Variants in RAPGEF5 observed in about 807,000 individuals in gnomAD.
RAPGEF5 encodes the protein Rap guanine nucleotide exchange factor 5, also known as M-Ras-regulated GEF.
Under a neutral mutation model 125.2 loss-of-function variants are expected in RAPGEF5, and 65 were observed. That is an observed-to-expected ratio of 0.52 (90% CI 0.43 to 0.64). The LOEUF (loss-of-function observed/expected upper bound fraction) is 0.64. RAPGEF5 is among the 30% of genes least tolerant of loss of function. The pLI is 0.00. For synonymous variants in RAPGEF5, 391 were observed against 385.9 expected (o/e 1.01, Z -0.16); for missense variants, 958 against 1,048.1 (o/e 0.91, Z 1.19).
At chr7:22,135,666 T>C (rs974433352) in intron 23 of RAPGEF5, among the ~76,000 whole-genome samples, 6 of 152,192 alleles carry the variant, frequency 3.9e-5, no homozygotes, top group African/African-American at 1.2e-4. Flanking sequence ...GTTGCAAAAA[T>C]AGAACATGAT....
intron 15 of RAPGEF5, 88 bp from the exon 16 acceptor site, chr7:22,156,976 T>A: frequency 6.5e-7 from 1 of 1,536,576 alleles, no homozygotes; most frequent in Non-Finnish European, 8.8e-7. Flanking sequence ...CCAAAAGAAC[T>A]AGCCAAATTT....
chr7:22,210,638 C>G lies in RAPGEF5; in HGVS notation c.996+9228G>C, dbSNP rs1167120979. On this transcript the variant is annotated intron_variant, in intron 9 of 25. Coordinates refer to ENST00000665637, the MANE Select transcript of RAPGEF5 (RefSeq NM_012294.5). ...TCTTGGATCTTGAGGTGCCCCTAAT[C>G]CTTTACTCTGACTCACTTTGCCTCA... is the stretch of plus-strand genomic sequence containing the variant. Among the ~76,000 whole-genome samples, 40 of 152,136 alleles carry G rather than the reference C, an allele frequency of 2.6e-4. 1 individual carries two copies. The highest frequency in any genetic ancestry group is 2.6e-3 in the Admixed American group (40 of 15,270).
Position 22,147,012 on chromosome 7 carries a change from A to G in RAPGEF5, c.1892T>C (p.Phe631Ser). The G allele has an allele frequency of 6.2e-7, 1 of 1,613,292 alleles. No homozygotes were observed. Among genetic ancestry groups the G allele is most frequent in the Non-Finnish European group, 8.5e-7 (1 of 1,179,658 alleles). The change falls in exon 19 of 26, where the codon TTT becomes TCT. Residue 631 changes from phenylalanine to serine, a missense_variant. Phe to Ser is a radical substitution (Grantham distance 155). Coordinates refer to ENST00000665637, the MANE Select transcript of RAPGEF5 (RefSeq NM_012294.5). ...RKDLADTLNP[F>S]AENEESQQRS... Reference sequence around the variant, plus strand: ...TTGCTGTGATTCCTCATTTTCTGCAAATGGGTTCTAAACCAACAGAAGCAA... The same window carrying G: ...TTGCTGTGATTCCTCATTTTCTGCAGATGGGTTCTAAACCAACAGAAGCAA...
intron 7 of RAPGEF5, among the ~76,000 whole-genome samples, chr7:22,251,275 A>AC (rs771648961): frequency 3.3e-5 from 5 of 152,102 alleles, no homozygotes; most frequent in Non-Finnish European, 7.4e-5. Context: ...AGACAATGCC[A>AC]CCCCCCCAGC....
chr7:22,141,276 T>C (rs1783251173), intron 20 of RAPGEF5, among the ~76,000 whole-genome samples: 1 of 152,370 alleles, frequency 6.6e-6, no homozygotes, highest in South Asian at 2.1e-4. Context: ...GTGATTTTTT[T>C]CCCATTACAT....
At chr7:22,314,762 G>C in intron 3 of RAPGEF5, 1 of 423,218 alleles carries the variant, frequency 2.4e-6, no homozygotes, top group Non-Finnish European at 3.2e-6. Context: ...ATTTACTTTT[G>C]GTTTTTTCTT....
At chr7:22,222,961 G>C (rs1404526593) in intron 8 of RAPGEF5, among the ~76,000 whole-genome samples, 1 of 129,114 alleles carries the variant, frequency 7.7e-6, no homozygotes, top group Non-Finnish European at 1.7e-5. Context: ...GTAACTGAAA[G>C]GATGGAGTTG....
intron 2 of RAPGEF5, among the ~76,000 whole-genome samples, chr7:22,316,443 G>A (rs954133362): frequency 5.8e-5 from 8 of 138,356 alleles, no homozygotes; most frequent in Non-Finnish European, 9.2e-5. Context: ...ATATACACAC[G>A]TGTATGTATA....
intron 6 of RAPGEF5, among the ~76,000 whole-genome samples, chr7:22,277,705 T>C (rs1782589405): frequency 1.3e-5 from 2 of 152,172 alleles, no homozygotes; most frequent in African/African-American, 4.8e-5. Context: ...GCCCTCTTTC[T>C]GGTTTTTGCA....
intron 8 of RAPGEF5, among the ~76,000 whole-genome samples, chr7:22,226,745 G>A (rs897405831): frequency 2.0e-5 from 3 of 152,104 alleles, no homozygotes; most frequent in Non-Finnish European, 2.9e-5. Flanking sequence ...TTCCTAGCCC[G>A]TCACTGTCCA....
Position 22,356,982 on chromosome 7 carries a change from C to T in RAPGEF5, c.79G>A (p.Ala27Thr). 8.8e-6 allele frequency: 9 copies of T among 1,027,264 alleles called. No individual in the cohort carries two copies. Among genetic ancestry groups the T allele is most frequent in the Non-Finnish European group, 1.0e-5 (9 of 859,292 alleles). 63.6% of individuals were successfully genotyped at this position (1,027,264 alleles called of 1,614,324 possible). A position where few individuals can be genotyped will look rare whatever the true frequency, so the allele number is the denominator to read the frequency against. The stretch of plus-strand genomic sequence containing the variant: ...CTGCGGCGCAGGGGGCCGTCTGCCG[C>T]CACCACCGCCGCCGCGGCGGCCAGG... ...PALAAAAAVVAADGPLRRSPS... is the reference protein window; with the variant it reads ...PALAAAAAVVTADGPLRRSPS... The change falls in exon 1 of 26, where the codon GCG becomes ACG. Residue 27 changes from alanine (A) to threonine (T), a missense_variant. By Grantham distance (58) the Ala-to-Thr change is moderately conservative. Coordinates refer to ENST00000665637, the MANE Select transcript of RAPGEF5 (RefSeq NM_012294.5).
At chr7:22,295,259 C>T (rs112745720) in intron 5 of RAPGEF5, among the ~76,000 whole-genome samples, 212 of 152,260 alleles carry the variant, frequency 1.4e-3, no homozygotes, top group African/African-American at 4.6e-3. Context: ...TTTTTCATAG[C>T]TTCTGGCTAC....
intron 6 of RAPGEF5, among the ~76,000 whole-genome samples, chr7:22,270,544 AC>A (rs1782394336): frequency 6.6e-6 from 1 of 152,232 alleles, no homozygotes; most frequent in Non-Finnish European, 1.5e-5. Context: ...ATGTAGTAGA[AC>A]CATGTTCTGA....
intron 7 of RAPGEF5, among the ~76,000 whole-genome samples, chr7:22,236,802 C>A (rs148993223): frequency 6.6e-6 from 1 of 152,166 alleles, no homozygotes; most frequent in East Asian, 1.9e-4. Context: ...GAGGGTCACA[C>A]GGAGATAAAT....
At chr7:22,211,201 G>T (rs1018333686) in intron 9 of RAPGEF5, among the ~76,000 whole-genome samples, 1 of 152,122 alleles carries the variant, frequency 6.6e-6, no homozygotes, top group East Asian at 1.9e-4. Flanking sequence ...AGGAAAAAAA[G>T]GTTCTTTGCA....
chr7:22,332,638 C>A (rs1783944734), intron 1 of RAPGEF5, among the ~76,000 whole-genome samples: 1 of 152,210 alleles, frequency 6.6e-6, no homozygotes, highest in African/African-American at 2.4e-5. Context: ...TTGACACACA[C>A]AGGAAACTTG....
chr7:22,196,335 T>C (rs994083502), intron 9 of RAPGEF5, among the ~76,000 whole-genome samples: 3 of 152,224 alleles, frequency 2.0e-5, no homozygotes, highest in Non-Finnish European at 2.9e-5. Context: ...AGGTTCTGGG[T>C]ATGAAATTTT....
chr7:22,275,563 T>C (rs1782536566), intron 6 of RAPGEF5, among the ~76,000 whole-genome samples: 2 of 152,228 alleles, frequency 1.3e-5, no homozygotes, highest in African/African-American at 2.4e-5. Flanking sequence ...AAATGGTCTA[T>C]TGAATTTGTG....
chr7:22,220,153 T>C, intron 8 of RAPGEF5, 162 bp from the exon 9 acceptor site: 1 of 884,992 alleles, frequency 1.1e-6, no homozygotes, highest in South Asian at 1.9e-5. Flanking sequence ...AGTTACATTA[T>C]TATAACCTAA....
Sources: allele counts gnomAD v4.1 joint callset (sites outside exome capture counted in the v4.1 genomes callset), GRCh38; gene constraint gnomAD v4.1.1; transcripts MANE v1.5; gene names NCBI Gene and HGNC (gene_info 2026-07-23, HGNC 2026-07-21).